The following PDS5B variants were observed in gnomAD, a reference collection of about 807,000 sequenced individuals.
The protein encoded by PDS5B is sister chromatid cohesion protein PDS5 homolog B.
PDS5B carries 51 observed loss-of-function variants against 184.1 expected under a neutral mutation model. That is an observed-to-expected ratio of 0.28 (90% CI 0.22 to 0.35). PDS5B has a LOEUF of 0.35. Ranked by LOEUF, PDS5B falls within the 10% of genes least tolerant of loss-of-function variation. The pLI, the probability that PDS5B is intolerant of heterozygous loss-of-function variation, is 1.00. For synonymous variants in PDS5B, 566 were observed against 569.2 expected (o/e 0.99, Z 0.08); for missense variants, 1,180 against 1,723.3 (o/e 0.68, Z 5.58).
chr13:32,629,893 T>G (rs183772755), intron 1 of PDS5B, among the ~76,000 whole-genome samples: 57 of 152,342 alleles, frequency 3.7e-4, no homozygotes, highest in African/African-American at 1.3e-3. Context: ...AAATCAGAGT[T>G]GATGATTTTC....
chr13:32,715,690 G>A (rs895841685), intron 19 of PDS5B, among the ~76,000 whole-genome samples: 2 of 151,618 alleles, frequency 1.3e-5, no homozygotes, highest in Non-Finnish European at 2.9e-5. Flanking sequence ...CTCTTTCCAC[G>A]GTCTCCCTCT....
At chr13:32,721,406 A>G (rs2140925385) in intron 19 of PDS5B, among the ~76,000 whole-genome samples, 1 of 151,248 alleles carries the variant, frequency 6.6e-6, no homozygotes, top group East Asian at 2.0e-4. Flanking sequence ...CACTTCCCAG[A>G]CGGAGCGGCT....
intron 6 of PDS5B, among the ~76,000 whole-genome samples, chr13:32,661,511 A>G (rs1950647967): frequency 6.6e-6 from 1 of 152,138 alleles, no homozygotes; most frequent in East Asian, 1.9e-4. Flanking sequence ...GAAATTATAC[A>G]GGCACAGTGA....
intron 2 of PDS5B, chr13:32,649,535 G>A (rs1256029180): frequency 6.6e-6 from 1 of 152,120 alleles, no homozygotes; most frequent in Non-Finnish European, 1.5e-5. Context: ...TTCCGATCGA[G>A]GTTGTATCTA....
At chr13:32,667,903 T>C in intron 7 of PDS5B, 59 bp downstream of exon 7, 1 of 979,878 alleles carries the variant, frequency 1.0e-6, no homozygotes, top group East Asian at 2.7e-5. Context: ...AAAGACTTGC[T>C]AGAAGCAAAA....
chr13:32,654,031 GA>G (rs1437529330), intron 3 of PDS5B, among the ~76,000 whole-genome samples: 1 of 152,188 alleles, frequency 6.6e-6, no homozygotes, highest in Non-Finnish European at 1.5e-5. Flanking sequence ...GACTGTAAAA[GA>G]GCTGAAATTA....
Position 32,688,554 on chromosome 13 carries a change from AT to A in PDS5B, c.1457del (p.Leu486Ter). 6.4e-7 allele frequency: 1 copy of A among 1,565,898 alleles called. No homozygotes were observed. The highest frequency in any genetic ancestry group is 8.8e-7 in the Non-Finnish European group (1 of 1,136,430). ...TTATATTACTTGTATGCCACACTGG[AT>A]TTAAATGCTGTGAAGTATGTTTCAA... is the stretch of plus-strand genomic sequence containing the variant. ...KCLYYLYATLDLNAVKALNEM... is the reference protein window; with the variant it reads ...KCLYYLYATLXLNAVKALNEM... On this transcript the variant is annotated frameshift_variant, in exon 13 of 35. Coordinates refer to ENST00000315596, the MANE Select transcript of PDS5B (RefSeq NM_015032.4). LOFTEE classifies it high-confidence loss of function.
chr13:32,706,048 C>CGG (rs1373420832), intron 17 of PDS5B, among the ~76,000 whole-genome samples: 1 of 151,964 alleles, frequency 6.6e-6, no homozygotes, highest in East Asian at 1.9e-4. Context: ...GAGGCAAAGG[C>CGG]GGGCAGATCA....
chr13:32,764,077 T>C (rs1229633871), intron 30 of PDS5B, among the ~76,000 whole-genome samples: 4 of 151,984 alleles, frequency 2.6e-5, no homozygotes, highest in Non-Finnish European at 1.5e-5. Context: ...AGGCAGTCAG[T>C]ACGTAATAAA....
intron 7 of PDS5B, among the ~76,000 whole-genome samples, chr13:32,669,529 G>A (rs1950881041): frequency 6.6e-6 from 1 of 151,960 alleles, no homozygotes; most frequent in African/African-American, 2.4e-5. Flanking sequence ...TATAATGGAA[G>A]TTAAATAAAG....
At chr13:32,774,995 A>G (rs780680062) in intron 34 of PDS5B, 22 bp from the exon 35 acceptor site, 2 of 1,609,456 alleles carry the variant, frequency 1.2e-6, no homozygotes, top group African/African-American at 1.3e-5. Flanking sequence ...TTAATTAAGC[A>G]TCTGGTGACT....
chr13:32,742,701 A>T lies in PDS5B; in HGVS notation c.2586A>T (p.Gly862=). 1 of 1,612,140 alleles carries T rather than the reference A, an allele frequency of 6.2e-7. No individual in the cohort carries two copies. Among genetic ancestry groups the T allele is most frequent in the Non-Finnish European group, 8.5e-7 (1 of 1,178,588 alleles). The change falls in exon 23 of 35, where the codon GGA becomes GGT. Residue 862 remains glycine, a synonymous_variant. Coordinates refer to ENST00000315596, the MANE Select transcript of PDS5B (RefSeq NM_015032.4). ...RLLTTILHSD[G]DLTEQGKISK... ...TAACAACAATATTGCATAGTGATGG[A>T]GACTTGACAGAACAGGGGAAAATTA...
intron 19 of PDS5B, among the ~76,000 whole-genome samples, chr13:32,731,066 T>G (rs1953104929): frequency 6.6e-6 from 1 of 152,212 alleles, no homozygotes; most frequent in Admixed American, 6.5e-5. Flanking sequence ...CCATTCAGTA[T>G]AATATTAAAG....
chr13:32,699,976 T>G, intron 16 of PDS5B, 107 bp downstream of exon 16: 1 of 1,067,606 alleles, frequency 9.4e-7, no homozygotes, highest in Non-Finnish European at 1.3e-6. Context: ...TTGAAAAATG[T>G]CACATAAAAA....
chr13:32,764,451 T>C, intron 30 of PDS5B, 38 bp from the exon 31 acceptor site: 1 of 1,264,270 alleles, frequency 7.9e-7, no homozygotes, highest in Non-Finnish European at 1.1e-6. Flanking sequence ...GTAAGGTTAT[T>C]TGATTGTAAT....
intron 6 of PDS5B, among the ~76,000 whole-genome samples, chr13:32,665,445 T>C (rs112750798): frequency 3.3e-5 from 5 of 151,338 alleles, no homozygotes; most frequent in South Asian, 2.1e-4. Flanking sequence ...AAAAATTAGC[T>C]GGGCGTGGTG....
At chr13:32,726,493 G>A (rs942508745) in intron 19 of PDS5B, among the ~76,000 whole-genome samples, 3 of 152,144 alleles carry the variant, frequency 2.0e-5, no homozygotes, top group African/African-American at 7.2e-5. Flanking sequence ...ATTTTGCTAG[G>A]TATTACTGTG....
intron 19 of PDS5B, among the ~76,000 whole-genome samples, 183 bp from the exon 20 acceptor site, chr13:32,731,918 T>C (rs1953136177): frequency 6.6e-6 from 1 of 152,186 alleles, no homozygotes; most frequent in Non-Finnish European, 1.5e-5. Context: ...GTATTTGGAT[T>C]ACATTTTTAA....
intron 6 of PDS5B, among the ~76,000 whole-genome samples, chr13:32,664,732 T>C (rs1950739867): frequency 6.6e-6 from 1 of 152,118 alleles, no homozygotes; most frequent in Non-Finnish European, 1.5e-5. Context: ...CGCATGTCTG[T>C]AGTCCCAGTG....
Sources: allele counts gnomAD v4.1 joint callset (sites outside exome capture counted in the v4.1 genomes callset), GRCh38; gene constraint gnomAD v4.1.1; transcripts MANE v1.5; gene names NCBI Gene and HGNC (gene_info 2026-07-23, HGNC 2026-07-21).